FGD6: variants seen among roughly 807,000 people sequenced by gnomAD.
The protein encoded by FGD6 is FYVE, RhoGEF and PH domain containing 6.
In FGD6, 90 loss-of-function variants were observed where a neutral mutation model predicts 149.4. That is an observed-to-expected ratio of 0.60 (90% CI 0.51 to 0.72). The LOEUF (loss-of-function observed/expected upper bound fraction) is 0.72, where lower values mean the gene tolerates loss of function less well. Among genes scored for constraint, FGD6 ranks in the 30% least tolerant of loss-of-function variants. The pLI, the probability that FGD6 is intolerant of heterozygous loss-of-function variation, is 0.00. For missense variants in FGD6, 1,437 were observed against 1,684.8 expected (o/e 0.85, Z 2.57); for synonymous variants, 527 against 584.0 (o/e 0.90, Z 1.41).
At position 95,217,285 on chromosome 12, in the gene FGD6, T is replaced by A. The variant is rs766958247; in HGVS notation, c.-45A>T. On this transcript the variant is annotated 5_prime_UTR_variant, in exon 1 of 21. It removes an upstream start codon present in the reference 5' UTR. Coordinates refer to ENST00000343958, the MANE Select transcript of FGD6 (RefSeq NM_018351.4). Reference sequence around the variant, plus strand: ...CTTCCCCGCTCGGCCCCTCAATCCATCTTCCCCTTTCAGTCCATTGTTCCC... The same window carrying A: ...CTTCCCCGCTCGGCCCCTCAATCCAACTTCCCCTTTCAGTCCATTGTTCCC... The A allele has an allele frequency of 3.8e-6, 6 of 1,585,070 alleles. No individual in the cohort carries two copies. Among genetic ancestry groups the A allele is most frequent in the Non-Finnish European group, 5.2e-6 (6 of 1,160,868 alleles).
At chr12:95,211,311 C>T (rs1418735340) in intron 1 of FGD6, 44 bp from the exon 2 acceptor site, 1 of 1,514,518 alleles carries the variant, frequency 6.6e-7, no homozygotes, top group Non-Finnish European at 8.7e-7. Context: ...ACAACCAAAG[C>T]ACAAAATGAT....
chr12:95,192,501 A>G (rs1439405468), intron 2 of FGD6, among the ~76,000 whole-genome samples: 1 of 152,232 alleles, frequency 6.6e-6, no homozygotes, highest in Admixed American at 6.5e-5. Context: ...CATTCTTTCA[A>G]TAAATATTTA....
chr12:95,097,806 C>A (rs796590375), intron 14 of FGD6, among the ~76,000 whole-genome samples: 8 of 152,204 alleles, frequency 5.3e-5, no homozygotes, highest in African/African-American at 1.9e-4. Flanking sequence ...GAACTGGGCA[C>A]ACAAAATATA....
chr12:95,191,335 C>G (rs1233463187), intron 2 of FGD6, among the ~76,000 whole-genome samples: 3 of 152,182 alleles, frequency 2.0e-5, no homozygotes, highest in African/African-American at 7.2e-5. Flanking sequence ...TTTCTCTTCT[C>G]CAAGGGAGCT....
Position 95,104,990 on chromosome 12 carries a change from AAGAAG to A in FGD6, c.3497+12_3497+16del. ...GAATGAGAAAAAAAAAAAAAAAAAGAAGAAGAAAAAATTTACCTGGCTGAGAGAAT... is the reference window on the plus strand; with the variant it reads ...GAATGAGAAAAAAAAAAAAAAAAAGAAAAAAATTTACCTGGCTGAGAGAAT... On this transcript the variant is annotated intron_variant, in intron 14 of 20. Coordinates refer to ENST00000343958, the MANE Select transcript of FGD6 (RefSeq NM_018351.4). 1 of 1,545,578 alleles carries A rather than the reference AAGAAG, an allele frequency of 6.5e-7. No homozygotes were observed. The highest frequency in any genetic ancestry group is 8.7e-7 in the Non-Finnish European group (1 of 1,150,918).
Position 95,141,518 on chromosome 12 carries a change from G to A in FGD6, c.2707C>T (p.His903Tyr), listed in dbSNP as rs761476296. The A allele has an allele frequency of 6.2e-7, 1 of 1,614,102 alleles. No homozygotes were observed. The change falls in exon 6 of 21, where the codon CAT (histidine) becomes TAT (tyrosine). Residue 903 changes from histidine to tyrosine, a missense_variant. His to Tyr is a moderately conservative substitution (Grantham distance 83). Transcript: ENST00000343958. ...LHIDFRDAVA[H>Y]ASRQLGKPVI... The stretch of plus-strand genomic sequence containing the variant: ...GGTTTCCCAAGTTGCCTGGAAGCAT[G>A]AGCTACTGCATCCCGGAAATCCTAT...
intron 2 of FGD6, among the ~76,000 whole-genome samples, chr12:95,177,914 T>TTTATTTATTTAC (rs1284073850): frequency 1.3e-5 from 2 of 150,148 alleles, no homozygotes; most frequent in Non-Finnish European, 1.5e-5. Flanking sequence ...CAACAATTTA[T>TTTATTTATTTAC]TTATTTATTT....
Position 95,152,822 on chromosome 12 carries a change from G to T in FGD6, c.2674C>A (p.Leu892Ile), listed in dbSNP as rs1178705081. ...TAGCAGATACTTACAATATGCAAAA[G>T]TTTTAACACATCCACAAACCTGTAA... ...SEKVFVDVLK[L>I]LHIDFRDAVA... Residue 892 changes from leucine (L) to isoleucine (I), a missense_variant, in exon 5 of 21, where the codon CTT (leucine) becomes ATT (isoleucine). Leu to Ile is a conservative substitution (Grantham distance 5). This residue lies in a region of FGD6 where 1,055 missense variants were observed against 1,146.0 expected (regional missense o/e 0.92). Transcript: ENST00000343958. 6.2e-7 allele frequency: 1 copy of T among 1,612,936 alleles called. No individual in the cohort carries two copies. Among genetic ancestry groups the T allele is most frequent in the Non-Finnish European group, 8.5e-7 (1 of 1,179,402 alleles).
chr12:95,087,430 C>T lies in FGD6; in HGVS notation c.3979-1522G>A, dbSNP rs531204491. On this transcript the variant is annotated intron_variant, in intron 18 of 20. Transcript: ENST00000343958. ...AGGAGACACTCTAGAAACTTTCTTC[C>T]TTGCTGGCTTTGAACAAAGTAGCAA... Among the ~76,000 whole-genome samples the T allele has an allele frequency of 2.6e-5, 4 of 152,238 alleles. No homozygotes were observed. In the East Asian group the frequency reaches 7.7e-4, roughly 29 times the overall value.
At chr12:95,093,962 C>A (rs1156857899) in intron 15 of FGD6, among the ~76,000 whole-genome samples, 2 of 151,570 alleles carry the variant, frequency 1.3e-5, no homozygotes, top group East Asian at 1.9e-4. Context: ...GAGTTTGAGA[C>A]CTGCTTGGCC....
At position 95,171,113 on chromosome 12, in the gene FGD6, T is replaced by A. The variant is rs116895901; in HGVS notation, c.2586+1487A>T. Among the ~76,000 whole-genome samples, 599 of 152,348 alleles carry A rather than the reference T, an allele frequency of 3.9e-3. 16 individuals carry two copies. In the East Asian group the frequency reaches 0.067, roughly 17 times the overall value. Reference sequence around the variant, plus strand: ...ATTCTATGAGTACTATTCTTTTTTTTATCTATAAAATGGTACTCTTTAGTC... The same window carrying A: ...ATTCTATGAGTACTATTCTTTTTTTAATCTATAAAATGGTACTCTTTAGTC... On this transcript the variant is annotated intron_variant, in intron 3 of 20. Transcript: ENST00000343958.
chr12:95,082,103 C>A (rs1053901186), intron 20 of FGD6, among the ~76,000 whole-genome samples: 2 of 152,128 alleles, frequency 1.3e-5, no homozygotes, highest in African/African-American at 4.8e-5. Flanking sequence ...GGGACCATTT[C>A]ATGTATAAAG....
rs200713610 is a variant in FGD6 at position 95,209,470 on chromosome 12, G to A, written c.1814C>T (p.Ser605Leu). The A allele has an allele frequency of 5.5e-4, 886 of 1,611,906 alleles. 3 individuals are homozygous for A. Among genetic ancestry groups the A allele is most frequent in the Non-Finnish European group, 6.7e-4 (792 of 1,179,244 alleles). The change falls in exon 2 of 21, where the codon TCG becomes TTG. Residue 605 changes from serine (S) to leucine (L), a missense_variant. Ser to Leu is a moderately radical substitution (Grantham distance 145). Around this residue, in one of 2 missense-constraint regions of FGD6, gnomAD observed 1,055 missense variants for 1,146.0 expected, o/e 0.92. Transcript: ENST00000343958. ...CTTTTCCACATCCATAGCAGATAACGATTTTGCTCTGGGCTTGGTTAGGGC... is the reference window on the plus strand; with the variant it reads ...CTTTTCCACATCCATAGCAGATAACAATTTTGCTCTGGGCTTGGTTAGGGC... ...STALTKPRAK[S>L]LSAMDVEKCT...
chr12:95,084,944 A>C (rs997125239), intron 19 of FGD6, among the ~76,000 whole-genome samples: 9 of 152,202 alleles, frequency 5.9e-5, no homozygotes, highest in African/African-American at 1.9e-4. Flanking sequence ...CTTTCATTTT[A>C]TGGATGCAGA....
chr12:95,110,688 T>C (rs1372438479), intron 9 of FGD6, among the ~76,000 whole-genome samples: 1 of 152,084 alleles, frequency 6.6e-6, no homozygotes, highest in Non-Finnish European at 1.5e-5. Flanking sequence ...TGGTACCCTT[T>C]TCACAGCAGG....
rs183385092 is a variant in FGD6 at position 95,118,559 on chromosome 12, G to A, written c.3083-4858C>T. Among the ~76,000 whole-genome samples the A allele has an allele frequency of 5.9e-4, 90 of 152,234 alleles. 1 individual carries two copies. The East Asian group carries it at 0.012, about 20-fold the overall frequency. On this transcript the variant is annotated intron_variant, in intron 8 of 20. Transcript: ENST00000343958. ...AAAATTAGTCATCTGTGGGAATCTG[G>A]GACTTTTTGCATTCAACACCCAGTC...
intron 2 of FGD6, among the ~76,000 whole-genome samples, chr12:95,195,569 G>A (rs563284787): frequency 6.6e-5 from 10 of 150,830 alleles, no homozygotes; most frequent in African/African-American, 1.7e-4. Flanking sequence ...CAACTGTGTC[G>A]CTATTTGTGG....
At position 95,152,002 on chromosome 12, in the gene FGD6, C is replaced by A. The variant is rs151115421; in HGVS notation, c.2685+809G>T. Reference sequence around the variant, plus strand: ...AATGAATATGCACCCTGACACATATCATAATTCTTTCCTAACAAGTCTGTT... The same window carrying A: ...AATGAATATGCACCCTGACACATATAATAATTCTTTCCTAACAAGTCTGTT... On this transcript the variant is annotated intron_variant, in intron 5 of 20. Coordinates refer to ENST00000343958, the MANE Select transcript of FGD6 (RefSeq NM_018351.4). Among the ~76,000 whole-genome samples the A allele has an allele frequency of 6.7e-4, 102 of 152,164 alleles. 2 individuals are homozygous for A. In the East Asian group the frequency reaches 0.013, roughly 20 times the overall value.
chr12:95,176,377 T>C (rs541546401), intron 2 of FGD6, among the ~76,000 whole-genome samples: 24 of 152,310 alleles, frequency 1.6e-4, no homozygotes, highest in South Asian at 1.2e-3. Context: ...GAACAGGACA[T>C]AGGGCTTCCT....
Sources: allele counts gnomAD v4.1 joint callset (sites outside exome capture counted in the v4.1 genomes callset), GRCh38; gene constraint gnomAD v4.1.1; regional missense constraint gnomAD v4.1.1; transcripts MANE v1.5; gene names NCBI Gene and HGNC (gene_info 2026-07-23, HGNC 2026-07-21).